Variants in ARHGAP40 observed in about 807,000 individuals in gnomAD.
ARHGAP40 encodes Rho GTPase activating protein 40.
Under a neutral mutation model 73.5 loss-of-function variants are expected in ARHGAP40, and 43 were observed. That is an observed-to-expected ratio of 0.58 (90% CI 0.46 to 0.75). ARHGAP40 has a LOEUF of 0.75. Among genes scored for constraint, ARHGAP40 ranks in the 30% least tolerant of loss-of-function variants. The probability of loss-of-function intolerance (pLI) is 0.00; values close to 1 mark genes in which losing one functional copy is unlikely to be tolerated. For missense variants in ARHGAP40, 734 were observed against 861.8 expected, an observed-to-expected ratio of 0.85 and a Z score of 1.86; for synonymous variants, 300 against 352.8, an observed-to-expected ratio of 0.85 and a Z score of 1.68.
chr20:38,613,533 C>A (rs1358010004), intron 1 of ARHGAP40, among the ~76,000 whole-genome samples: 2 of 152,114 alleles, frequency 1.3e-5, no homozygotes, highest in Non-Finnish European at 2.9e-5. Context: ...AATGGCCTGG[C>A]AAAGCTTACT....
chr20:38,626,199 T>A (rs1347285710), intron 2 of ARHGAP40, among the ~76,000 whole-genome samples: 1 of 152,234 alleles, frequency 6.6e-6, no homozygotes, highest in Non-Finnish European at 1.5e-5. Context: ...TTTGAGTTTT[T>A]AAAACACTTA....
At position 38,624,655 on chromosome 20, in the gene ARHGAP40, C is replaced by T. The variant is rs982285105; in HGVS notation, c.337+1097C>T. On this transcript the variant is annotated intron_variant, in intron 2 of 14. Coordinates refer to ENST00000373345, the Ensembl canonical transcript of ARHGAP40. ...TTCCTGCCTCAAGTCCTTTGGTTCT[C>T]TCTGCTCCCTTGGCCTCAAATGCTC... Among the ~76,000 whole-genome samples, 5 of 152,014 alleles carry T rather than the reference C, an allele frequency of 3.3e-5. No homozygotes were observed. In the East Asian group the frequency reaches 7.7e-4, roughly 23 times the overall value.
At chr20:38,619,366 C>A (rs2088862017) in intron 1 of ARHGAP40, among the ~76,000 whole-genome samples, 1 of 151,928 alleles carries the variant, frequency 6.6e-6, no homozygotes, top group Non-Finnish European at 1.5e-5. Flanking sequence ...AGGCTGTGGT[C>A]CAGGCGAGAA....
At chr20:38,631,684 T>C (rs1190157811) in intron 5 of ARHGAP40, among the ~76,000 whole-genome samples, 2 of 152,068 alleles carry the variant, frequency 1.3e-5, no homozygotes, top group African/African-American at 2.4e-5. Context: ...AGTGACAGAA[T>C]TGGCTCCCAC....
exon 6 of ARHGAP40, chr20:38,634,740 G>A (rs61737864): frequency 3.1e-5 from 41 of 1,303,890 alleles, no homozygotes; most frequent in Middle Eastern, 2.1e-4. Context: ...TGACATCCTC[G>A]GCTTGGACCT....
At chr20:38,619,743 C>T (rs1311628587) in intron 1 of ARHGAP40, among the ~76,000 whole-genome samples, 1 of 150,764 alleles carries the variant, frequency 6.6e-6, no homozygotes, top group Non-Finnish European at 1.5e-5. Context: ...GGTCTGTTTC[C>T]TTGTCTGTAA....
At chr20:38,632,122 C>G (rs948084232) in intron 5 of ARHGAP40, among the ~76,000 whole-genome samples, 1 of 152,064 alleles carries the variant, frequency 6.6e-6, no homozygotes, top group Non-Finnish European at 1.5e-5. Context: ...TGCTACCACA[C>G]CCAGCTAATT....
intron 1 of ARHGAP40, among the ~76,000 whole-genome samples, chr20:38,617,885 G>A (rs2088851564): frequency 6.6e-6 from 1 of 152,194 alleles, no homozygotes; most frequent in African/African-American, 2.4e-5. Context: ...TAGCTTCCTA[G>A]TAACTGGCCA....
Position 38,648,624 on chromosome 20 carries a change from C to G in ARHGAP40, c.1881-19C>G. On this transcript the variant is annotated intron_variant, in intron 13 of 14. Transcript: ENST00000373345. ...AGAAAAAGGCAGTAGTTTTTTTTTT[C>G]TCTCTCTCTGTTTTACAGCCATAGG... 1 of 1,266,788 alleles carries G rather than the reference C, an allele frequency of 7.9e-7. No homozygotes were observed. Among genetic ancestry groups the G allele is most frequent in the Middle Eastern group, 2.2e-4 (1 of 4,540 alleles). The allele number at this position is 1,266,788 out of a possible 1,614,324, so 78.5% of individuals were successfully genotyped here.
Position 38,649,750 on chromosome 20 carries a change from C to T in ARHGAP40, c.1937-7C>T. The T allele has an allele frequency of 2.3e-6, 3 of 1,304,670 alleles. No homozygotes were observed. The African/African-American group carries it at 4.5e-5, about 20-fold the overall frequency. The allele number at this position is 1,304,670 out of a possible 1,614,324, so 80.8% of individuals were successfully genotyped here. On this transcript the variant is annotated splice_polypyrimidine_tract_variant and splice_region_variant and intron_variant, in intron 14 of 14. Transcript: ENST00000373345. ...CACTCAACCTCCTTCACCCCTTCTT[C>T]CCACAGATGAGCATCGCCTGGACCC...
chr20:38,645,911 G>T, intron 11 of ARHGAP40, 136 bp from the exon 12 acceptor site: 1 of 812,342 alleles, frequency 1.2e-6, no homozygotes, highest in Non-Finnish European at 1.6e-6. Flanking sequence ...CTTCCGTCCC[G>T]TGTCCAACAA....
chr20:38,648,618 T>A lies in ARHGAP40; in HGVS notation c.1881-25T>A, dbSNP rs745925129. ...TCCAGAAGAAAAAGGCAGTAGTTTT[T>A]TTTTTCTCTCTCTCTGTTTTACAGC... On this transcript the variant is annotated intron_variant, in intron 13 of 14. Transcript: ENST00000373345. The A allele has an allele frequency of 4.6e-6, 6 of 1,297,522 alleles. No homozygotes were observed. The African/African-American group carries it at 9.2e-5, about 20-fold the overall frequency. The allele number at this position is 1,297,522 out of a possible 1,614,324, so 80.4% of individuals were successfully genotyped here.
rs138506291 is a variant in ARHGAP40, at chr20:38,649,073, A to C, written c.1936+375A>C. 2.0e-3 allele frequency among the ~76,000 whole-genome samples: 308 copies of C among 152,282 alleles called. 1 individual carries two copies. Among genetic ancestry groups the C allele is most frequent in the African/African-American group, 7.1e-3 (293 of 41,556 alleles). On this transcript the variant is annotated intron_variant, in intron 14 of 14. Coordinates refer to ENST00000373345, the Ensembl canonical transcript of ARHGAP40. ...AAGGAGTCCTTAAGGAATTCTGCAA[A>C]CACATATCCAGCTCTGGGAGTTCCC...
intron 1 of ARHGAP40, among the ~76,000 whole-genome samples, chr20:38,615,946 TG>T (rs2088834589): frequency 1.3e-5 from 2 of 152,172 alleles, no homozygotes; most frequent in Non-Finnish European, 2.9e-5. Context: ...TTTCTAGCCA[TG>T]GGTCTGGCTG....
intron 1 of ARHGAP40, among the ~76,000 whole-genome samples, chr20:38,622,857 C>A (rs918228562): frequency 6.6e-6 from 1 of 152,146 alleles, no homozygotes; most frequent in Non-Finnish European, 1.5e-5. Context: ...GATCAGGTAC[C>A]TGCTCTGTTC....
intron 8 of ARHGAP40, 122 bp from the exon 9 acceptor site, chr20:38,639,105 C>T (rs897681232): frequency 5.7e-6 from 6 of 1,050,846 alleles, no homozygotes; most frequent in South Asian, 1.5e-5. Context: ...TTCAACCCCA[C>T]GAGGGAGGTG....
At chr20:38,616,358 A>G (rs2088839134) in intron 1 of ARHGAP40, among the ~76,000 whole-genome samples, 1 of 152,230 alleles carries the variant, frequency 6.6e-6, no homozygotes, top group Admixed American at 6.5e-5. Flanking sequence ...TTATGGGACA[A>G]GAGATACGTT....
intron 1 of ARHGAP40, among the ~76,000 whole-genome samples, chr20:38,619,838 G>A (rs1179736447): frequency 6.6e-6 from 1 of 151,798 alleles, no homozygotes; most frequent in African/African-American, 2.4e-5. Flanking sequence ...TGGAATCTCA[G>A]CACTTTGGGA....
chr20:38,614,268 A>G (rs2088821246), intron 1 of ARHGAP40, among the ~76,000 whole-genome samples: 3 of 152,224 alleles, frequency 2.0e-5, no homozygotes. Context: ...ACACATGGCT[A>G]TGTACACATT....
Sources: gnomAD v4.1 joint callset for allele counts (sites outside exome capture counted in the v4.1 genomes callset) on GRCh38, gnomAD v4.1.1 for gene constraint, MANE v1.5 for transcripts, NCBI Gene and HGNC (gene_info 2026-07-23, HGNC 2026-07-21) for gene names.